Variants in NR6A1 observed in about 807,000 individuals in gnomAD.
The protein encoded by NR6A1 is nuclear receptor subfamily 6 group A member 1, also known as retinoic acid receptor-related testis-associated receptor.
NR6A1 carries 7 observed loss-of-function variants against 59.1 expected under a neutral mutation model. The ratio of observed to expected loss-of-function variants is 0.12; its 90% CI spans 0.07 to 0.22. The LOEUF is 0.22. Among genes scored for constraint, NR6A1 ranks in the 10% least tolerant of loss-of-function variants. The pLI is 1.00. For missense variants in NR6A1, 468 were observed against 611.6 expected, an observed-to-expected ratio of 0.77 and a Z score of 2.48; for synonymous variants, 243 against 236.1, an observed-to-expected ratio of 1.03 and a Z score of -0.27.
At chr9:124,592,345 C>T (rs1428285879) in intron 2 of NR6A1, among the ~76,000 whole-genome samples, 2 of 152,062 alleles carry the variant, frequency 1.3e-5, no homozygotes, top group Non-Finnish European at 2.9e-5. Flanking sequence ...AACTGAATTT[C>T]CAAGTTTTGT....
chr9:124,661,588 T>G (rs903665990), intron 2 of NR6A1, among the ~76,000 whole-genome samples: 1 of 152,222 alleles, frequency 6.6e-6, no homozygotes, highest in African/African-American at 2.4e-5. Context: ...ATCTATTTGG[T>G]CCCATGATAA....
intron 1 of NR6A1, among the ~76,000 whole-genome samples, chr9:124,767,842 C>T (rs1049492318): frequency 1.3e-5 from 2 of 152,208 alleles, no homozygotes; most frequent in African/African-American, 4.8e-5. Flanking sequence ...TTATAACCTT[C>T]CTTTGCCTTC....
chr9:124,714,421 T>G (rs1361534624), intron 2 of NR6A1, among the ~76,000 whole-genome samples: 1 of 152,076 alleles, frequency 6.6e-6, no homozygotes, highest in Non-Finnish European at 1.5e-5. Context: ...CTCTACAAAA[T>G]AAAAGAAAGC....
At chr9:124,742,655 T>C (rs1840207204) in intron 1 of NR6A1, among the ~76,000 whole-genome samples, 2 of 152,020 alleles carry the variant, frequency 1.3e-5, no homozygotes, top group South Asian at 4.1e-4. Context: ...GGTGGGCGGA[T>C]CACGAGGTCA....
At chr9:124,753,182 T>G (rs568774353) in intron 1 of NR6A1, among the ~76,000 whole-genome samples, 1 of 152,354 alleles carries the variant, frequency 6.6e-6, no homozygotes, top group African/African-American at 2.4e-5. Context: ...TCTCTTTCAA[T>G]CCTTCTGATT....
chr9:124,552,218 C>G (rs191097081), intron 3 of NR6A1, among the ~76,000 whole-genome samples: 1 of 152,214 alleles, frequency 6.6e-6, no homozygotes, highest in Admixed American at 6.5e-5. Flanking sequence ...GTGAGGGCAA[C>G]AAAGGGAGAT....
At position 124,621,131 on chromosome 9, in the gene NR6A1, A is replaced by G. The variant is rs370523660; in HGVS notation, c.143-66561T>C. On this transcript the variant is annotated intron_variant, in intron 2 of 9. Transcript: ENST00000487099. The stretch of plus-strand genomic sequence containing the variant: ...TAATAACCAAACAGTGATCACAAGT[A>G]CAGTGATGACCAGGGGCTTTGCCTG... Among the ~76,000 whole-genome samples, 20 of 152,352 alleles carry G rather than the reference A, an allele frequency of 1.3e-4. No individual in the cohort carries two copies. In the South Asian group the frequency reaches 3.9e-3, roughly 30 times the overall value.
intron 2 of NR6A1, among the ~76,000 whole-genome samples, chr9:124,603,936 T>G (rs1421664404): frequency 6.6e-6 from 1 of 152,140 alleles, no homozygotes; most frequent in Non-Finnish European, 1.5e-5. Flanking sequence ...ACAAGATCAG[T>G]TGCAAATCAG....
intron 2 of NR6A1, among the ~76,000 whole-genome samples, chr9:124,559,545 G>C (rs992516112): frequency 2.0e-5 from 3 of 152,198 alleles, no homozygotes; most frequent in Non-Finnish European, 4.4e-5. Context: ...GGAGGCCAAG[G>C]AGGGTAGATC....
chr9:124,654,911 C>CACACA (rs1254335905), intron 2 of NR6A1, among the ~76,000 whole-genome samples: 2 of 150,056 alleles, frequency 1.3e-5, no homozygotes, highest in Admixed American at 1.3e-4. Flanking sequence ...CACACACACA[C>CACACA]ACCTGCCAAA....
chr9:124,742,469 G>A (rs1473426501), intron 1 of NR6A1, among the ~76,000 whole-genome samples: 1 of 152,176 alleles, frequency 6.6e-6, no homozygotes, highest in African/African-American at 2.4e-5. Context: ...GCTGAGGCAG[G>A]AGAATTGCTT....
intron 2 of NR6A1, among the ~76,000 whole-genome samples, chr9:124,731,899 A>G (rs1175165582): frequency 2.0e-5 from 3 of 152,170 alleles, no homozygotes; most frequent in Non-Finnish European, 2.9e-5. Flanking sequence ...TGGACTTTCA[A>G]CTGTGCAGGG....
At chr9:124,585,512 C>T (rs1399876951) in intron 2 of NR6A1, among the ~76,000 whole-genome samples, 9 of 139,516 alleles carry the variant, frequency 6.5e-5, no homozygotes, top group African/African-American at 2.4e-4. Context: ...CCACTGCACT[C>T]CAGCCTGGGT....
intron 2 of NR6A1, chr9:124,595,796 T>C (rs1265526262): frequency 1.6e-6 from 2 of 1,289,724 alleles, no homozygotes; most frequent in East Asian, 5.5e-5. Flanking sequence ...TGAAAAGTTC[T>C]ATTGCAGCCA....
intron 3 of NR6A1, among the ~76,000 whole-genome samples, chr9:124,545,106 G>C (rs1311517527): frequency 2.1e-5 from 3 of 141,686 alleles, no homozygotes; most frequent in Non-Finnish European, 4.5e-5. Context: ...TAACTAAAAG[G>C]CTGACAGGAA....
chr9:124,696,305 AG>A (rs1838758248), intron 2 of NR6A1, among the ~76,000 whole-genome samples: 1 of 152,194 alleles, frequency 6.6e-6, no homozygotes, highest in Non-Finnish European at 1.5e-5. Context: ...ACAAGTTAGC[AG>A]GGGTAGAACT....
At chr9:124,549,617 C>A (rs1482189504) in intron 3 of NR6A1, among the ~76,000 whole-genome samples, 1 of 152,194 alleles carries the variant, frequency 6.6e-6, no homozygotes, top group African/African-American at 2.4e-5. Context: ...AGATGGAGAA[C>A]AACAGAGAGC....
intron 2 of NR6A1, among the ~76,000 whole-genome samples, chr9:124,597,863 G>A (rs1372891024): frequency 6.6e-6 from 1 of 152,062 alleles, no homozygotes; most frequent in African/African-American, 2.4e-5. Context: ...TTTTATTTGA[G>A]ACAGGGCCTC....
Position 124,526,710 on chromosome 9 carries a change from C to T in NR6A1, c.1201+69G>A, listed in dbSNP as rs1011454443. On this transcript the variant is annotated intron_variant, in intron 8 of 9. Transcript: ENST00000487099. ...GTCCTGAGGGTAAGGAGGGGTGAAA[C>T]AGGAGGGCAAATGCTCACTGCCTGC... is the stretch of plus-strand genomic sequence containing the variant. The T allele has an allele frequency of 3.2e-5, 51 of 1,593,852 alleles. 2 individuals carry two copies. In the Admixed American group the frequency reaches 7.6e-4, roughly 24 times the overall value.
Sources: allele counts gnomAD v4.1 joint callset (sites outside exome capture counted in the v4.1 genomes callset), GRCh38; gene constraint gnomAD v4.1.1; transcripts MANE v1.5; gene names NCBI Gene and HGNC (gene_info 2026-07-23, HGNC 2026-07-21).